Variants in MAP3K1 observed in about 807,000 individuals in gnomAD.
MAP3K1 encodes the protein MAP/ERK kinase kinase 1.
Under a neutral mutation model 144.2 loss-of-function variants are expected in MAP3K1, and 36 were observed. The observed-to-expected ratio is 0.25, with a 90% confidence interval of 0.19 to 0.33. MAP3K1 has a LOEUF of 0.33. Ranked by LOEUF, MAP3K1 falls within the 10% of genes least tolerant of loss-of-function variation. MAP3K1 has a pLI of 1.00. For missense variants in MAP3K1, 1,650 were observed against 1,881.9 expected, an observed-to-expected ratio of 0.88 and a Z score of 2.28; for synonymous variants, 718 against 688.7, an observed-to-expected ratio of 1.04 and a Z score of -0.67.
At chr5:56,893,332 G>C (rs1434870367) in intron 19 of MAP3K1, among the ~76,000 whole-genome samples, 199 bp from the exon 20 acceptor site, 1 of 152,178 alleles carries the variant, frequency 6.6e-6, no homozygotes, top group Non-Finnish European at 1.5e-5. Context: ...CCTAAAATTT[G>C]AAAGATTGTT....
intron 3 of MAP3K1, chr5:56,862,232 C>G (rs527940248): frequency 6.6e-6 from 1 of 152,384 alleles, no homozygotes; most frequent in African/African-American, 2.4e-5. Flanking sequence ...TCTCTTCCTC[C>G]TAGCACGAAG....
At chr5:56,880,098 C>G (rs1440096821) in intron 11 of MAP3K1, among the ~76,000 whole-genome samples, 1 of 152,062 alleles carries the variant, frequency 6.6e-6, no homozygotes. Context: ...TAAAATATTG[C>G]AAATTAACAA....
chr5:56,867,020 G>GA (rs1262691923), intron 6 of MAP3K1, among the ~76,000 whole-genome samples: 3 of 151,928 alleles, frequency 2.0e-5, no homozygotes, highest in Non-Finnish European at 2.9e-5. Context: ...TAAATAAAAT[G>GA]AAAAAAATGA....
chr5:56,832,500 T>C (rs1372712967), intron 1 of MAP3K1, among the ~76,000 whole-genome samples: 2 of 152,228 alleles, frequency 1.3e-5, no homozygotes, highest in Non-Finnish European at 2.9e-5. Context: ...TCCTTGTGAA[T>C]TTTGATTCCC....
At chr5:56,864,351 T>G (rs1419861708) in intron 3 of MAP3K1, among the ~76,000 whole-genome samples, 1 of 151,666 alleles carries the variant, frequency 6.6e-6, no homozygotes, top group Non-Finnish European at 1.5e-5. Context: ...ATGACTGTCT[T>G]GTATGATCTT....
At chr5:56,819,638 T>A (rs933950329) in intron 1 of MAP3K1, among the ~76,000 whole-genome samples, 11 of 146,852 alleles carry the variant, frequency 7.5e-5, no homozygotes, top group African/African-American at 1.4e-4. Context: ...TCCAGTCATC[T>A]TCTTGGGTTG....
chr5:56,831,028 T>C (rs1463884713), intron 1 of MAP3K1, among the ~76,000 whole-genome samples: 1 of 152,136 alleles, frequency 6.6e-6, no homozygotes, highest in Non-Finnish European at 1.5e-5. Flanking sequence ...ATATTTAAAA[T>C]GTTAATTCAT....
chr5:56,857,643 T>C lies in MAP3K1; in HGVS notation c.633+893T>C, dbSNP rs183088996. On this transcript the variant is annotated intron_variant, in intron 2 of 19. Transcript: ENST00000399503. ...TTAGATGTAAATAAAAGTAAAAATT[T>C]AGTTCCTCAGTCTCACCAACTACAT... 9.5e-3 allele frequency among the ~76,000 whole-genome samples: 1,447 copies of C among 152,332 alleles called. 4 individuals carry two copies. The highest frequency in any genetic ancestry group is 0.015 in the Non-Finnish European group (993 of 68,028).
intron 19 of MAP3K1, among the ~76,000 whole-genome samples, chr5:56,889,929 A>G (rs1748496210): frequency 6.6e-6 from 1 of 152,096 alleles, no homozygotes; most frequent in Non-Finnish European, 1.5e-5. Context: ...GTTTTGTATT[A>G]TCACCTCATT....
chr5:56,884,952 C>A, intron 16 of MAP3K1, 126 bp downstream of exon 16: 1 of 784,780 alleles, frequency 1.3e-6, no homozygotes, highest in Non-Finnish European at 2.1e-6. Context: ...CAAATCACCC[C>A]AATATATTAG....
At chr5:56,876,770 CT>C (rs1270498902) in intron 10 of MAP3K1, among the ~76,000 whole-genome samples, 3 of 152,176 alleles carry the variant, frequency 2.0e-5, no homozygotes, top group African/African-American at 7.2e-5. Context: ...TATGTAGAAA[CT>C]TTCAACCATA....
intron 9 of MAP3K1, among the ~76,000 whole-genome samples, chr5:56,873,786 A>G (rs1046168423): frequency 6.6e-6 from 1 of 152,162 alleles, no homozygotes; most frequent in African/African-American, 2.4e-5. Flanking sequence ...TTCTTTTGTG[A>G]CCATTACAGT....
chr5:56,825,659 G>A (rs1429608230), intron 1 of MAP3K1, among the ~76,000 whole-genome samples: 2 of 152,146 alleles, frequency 1.3e-5, no homozygotes, highest in African/African-American at 4.8e-5. Context: ...TAATTGCTGT[G>A]CTCTTACTCT....
At chr5:56,875,881 T>A (rs768999329) in intron 10 of MAP3K1, among the ~76,000 whole-genome samples, 1 of 152,326 alleles carries the variant, frequency 6.6e-6, no homozygotes, top group Non-Finnish European at 1.5e-5. Context: ...TCTGATTTTT[T>A]AAAAAATTTA....
At chr5:56,819,733 A>G (rs1298148485) in intron 1 of MAP3K1, among the ~76,000 whole-genome samples, 1 of 152,214 alleles carries the variant, frequency 6.6e-6, no homozygotes, top group Non-Finnish European at 1.5e-5. Flanking sequence ...AACTGCGTGT[A>G]TATTACACCT....
intron 1 of MAP3K1, chr5:56,820,815 C>T (rs1199702876): frequency 1.2e-5 from 12 of 984,788 alleles, no homozygotes; most frequent in Admixed American, 6.2e-5. Context: ...CTGTTTCTGT[C>T]GGTAGGTTGT....
intron 1 of MAP3K1, among the ~76,000 whole-genome samples, chr5:56,817,418 C>G (rs954103959): frequency 8.5e-5 from 13 of 152,122 alleles, no homozygotes; most frequent in Admixed American, 7.9e-4. Flanking sequence ...CTAAAGTGAT[C>G]TGGCATTTTT....
chr5:56,823,876 TAAG>T (rs1202250502), intron 1 of MAP3K1, among the ~76,000 whole-genome samples: 1 of 152,214 alleles, frequency 6.6e-6, no homozygotes, highest in Non-Finnish European at 1.5e-5. Flanking sequence ...AATAGGGAGT[TAAG>T]AGTGCGTGTG....
Position 56,859,826 on chromosome 5 carries a change from C to A in MAP3K1, c.745C>A (p.Arg249Ser). ...SAASPASKGR[R>S]SPSPGNSPSG... The stretch of plus-strand genomic sequence containing the variant: ...GGCTTCACCAGCTTCCAAAGGCCGA[C>A]GCAGTCCTTCTCCTGGCAACTCCCC... Residue 249 changes from arginine (R) to serine (S), a missense_variant, in exon 3 of 20, where the codon CGC (arginine) becomes AGC (serine). Arg to Ser is a moderately radical substitution (Grantham distance 110). Coordinates refer to ENST00000399503, the MANE Select transcript of MAP3K1 (RefSeq NM_005921.2). 1 of 1,613,932 alleles carries A rather than the reference C, an allele frequency of 6.2e-7. No individual in the cohort carries two copies. Among genetic ancestry groups the A allele is most frequent in the South Asian group, 1.1e-5 (1 of 91,030 alleles).
Sources: gnomAD v4.1 joint callset for allele counts (sites outside exome capture counted in the v4.1 genomes callset) on GRCh38, gnomAD v4.1.1 for gene constraint, MANE v1.5 for transcripts, NCBI Gene and HGNC (gene_info 2026-07-23, HGNC 2026-07-21) for gene names.